The following CNBD1 variants were observed in gnomAD, a reference collection of about 807,000 sequenced individuals.
The protein encoded by CNBD1 is cyclic nucleotide binding domain containing 1, also known as cyclic nucleotide-binding domain-containing protein 1.
In CNBD1, 71 loss-of-function variants were observed where a neutral mutation model predicts 54.4. The observed-to-expected ratio is 1.30, with a 90% CI of 1.08 to 1.59. CNBD1 has a LOEUF of 1.59. Ranked by LOEUF, CNBD1 falls within the 40% of genes most tolerant of loss-of-function variation. The pLI is 0.00. For missense variants in CNBD1, 659 were observed against 518.0 expected, an observed-to-expected ratio of 1.27 and a Z score of -2.64; for synonymous variants, 182 against 170.7, an observed-to-expected ratio of 1.07 and a Z score of -0.51.
At chr8:87,408,201 C>T (rs549651272) in intron 2 of CNBD1, among the ~76,000 whole-genome samples, 13 of 151,910 alleles carry the variant, frequency 8.6e-5, no homozygotes, top group African/African-American at 2.4e-4. Context: ...TGCTTATTAT[C>T]TCCTTTCTTC....
chr8:87,342,403 A>G (rs1050361309), intron 8 of CNBD1, among the ~76,000 whole-genome samples: 1 of 152,180 alleles, frequency 6.6e-6, no homozygotes, highest in African/African-American at 2.4e-5. Flanking sequence ...GTATTCTTTA[A>G]TTAGAGTATA....
chr8:87,005,298 A>G (rs2130551314), intron 4 of CNBD1, among the ~76,000 whole-genome samples: 1 of 152,070 alleles, frequency 6.6e-6, no homozygotes, highest in Non-Finnish European at 1.5e-5. Context: ...TGAACCCAGG[A>G]GGCAGAGCTT....
At chr8:87,256,013 ATAT>A (rs1563526146) in intron 6 of CNBD1, among the ~76,000 whole-genome samples, 4 of 18,172 alleles carry the variant, frequency 2.2e-4, no homozygotes, top group African/African-American at 3.0e-4. Context: ...ATATATATAT[ATAT>A]TTTTTTTTTT....
At chr8:87,230,750 C>T (rs1287186291) in intron 5 of CNBD1, among the ~76,000 whole-genome samples, 2 of 152,028 alleles carry the variant, frequency 1.3e-5, no homozygotes, top group African/African-American at 2.4e-5. Context: ...ATATGAATAA[C>T]AGGAATAGCT....
Position 87,382,743 on chromosome 8 carries a change from A to T in CNBD1, c.*116A>T, listed in dbSNP as rs994119857. On this transcript the variant is annotated 3_prime_UTR_variant, in exon 11 of 11. Coordinates refer to ENST00000518476, the MANE Select transcript of CNBD1 (RefSeq NM_173538.3). ...AATGAATTTGGTCTATTGTGACTACATATCCTGGATTCCCCAGGAAAGTCC... is the reference window on the plus strand; with the variant it reads ...AATGAATTTGGTCTATTGTGACTACTTATCCTGGATTCCCCAGGAAAGTCC... 7.7e-6 allele frequency: 5 copies of T among 651,512 alleles called. No individual in the cohort carries two copies. The highest frequency in any genetic ancestry group is 1.2e-5 in the Non-Finnish European group (5 of 401,516). The allele number at this position is 651,512 out of a possible 1,614,324, so 40.4% of individuals were successfully genotyped here. A position where few individuals can be genotyped will look rare whatever the true frequency, so the allele number is the denominator to read the frequency against.
chr8:87,111,748 A>G (rs193079682), intron 4 of CNBD1, among the ~76,000 whole-genome samples: 1 of 152,226 alleles, frequency 6.6e-6, no homozygotes, highest in Admixed American at 6.5e-5. Context: ...ACCATAGTCT[A>G]TGAGCATTTC....
intron 4 of CNBD1, among the ~76,000 whole-genome samples, chr8:87,001,537 A>G (rs958098265): frequency 3.5e-4 from 53 of 152,114 alleles, no homozygotes; most frequent in African/African-American, 1.2e-3. Flanking sequence ...GCTGTATTTG[A>G]GGCCAGCTGT....
chr8:86,908,200 G>A (rs1006626096), intron 3 of CNBD1, among the ~76,000 whole-genome samples: 1 of 152,332 alleles, frequency 6.6e-6, no homozygotes. Context: ...GAGACGTTGA[G>A]AAACAATTCT....
intron 6 of CNBD1, among the ~76,000 whole-genome samples, chr8:87,262,489 A>G (rs1808162964): frequency 6.6e-6 from 1 of 152,158 alleles, no homozygotes; most frequent in Admixed American, 6.6e-5. Flanking sequence ...ACCTTCACCA[A>G]TGTGGGCAGC....
At chr8:87,330,980 A>G (rs954339214) in intron 8 of CNBD1, among the ~76,000 whole-genome samples, 1 of 152,190 alleles carries the variant, frequency 6.6e-6, no homozygotes, top group Non-Finnish European at 1.5e-5. Context: ...GTGCATTTAT[A>G]TCATTGATAT....
At chr8:86,943,252 G>T (rs1475740556) in intron 4 of CNBD1, among the ~76,000 whole-genome samples, 1 of 150,756 alleles carries the variant, frequency 6.6e-6, no homozygotes, top group Non-Finnish European at 1.5e-5. Flanking sequence ...GTGGTGGCAT[G>T]TGCCTATAGT....
chr8:87,141,378 A>G (rs368182486), intron 4 of CNBD1, among the ~76,000 whole-genome samples: 5 of 152,110 alleles, frequency 3.3e-5, no homozygotes, highest in Non-Finnish European at 7.4e-5. Context: ...GTAAACATAT[A>G]TGTTCTTACA....
chr8:87,266,014 G>C (rs2130853385), intron 6 of CNBD1, among the ~76,000 whole-genome samples: 1 of 152,096 alleles, frequency 6.6e-6, no homozygotes, highest in South Asian at 2.1e-4. Context: ...GAGCACTTAA[G>C]AAAAATATAG....
rs148254113 is a variant in CNBD1 at position 87,234,609 on chromosome 8, G to T, written c.578-2310G>T. On this transcript the variant is annotated intron_variant, in intron 5 of 10. Coordinates refer to ENST00000518476, the MANE Select transcript of CNBD1 (RefSeq NM_173538.3). ...GGGCTTCAAATATTCATTATAGAATGCTATAAAAAGATATGTTGTCATCTA... is the reference window on the plus strand; with the variant it reads ...GGGCTTCAAATATTCATTATAGAATTCTATAAAAAGATATGTTGTCATCTA... Among the ~76,000 whole-genome samples the T allele has an allele frequency of 7.9e-3, 1,203 of 152,248 alleles. 27 individuals are homozygous for T. The highest frequency in any genetic ancestry group is 0.023 in the African/African-American group (940 of 41,546).
At chr8:87,150,051 C>G (rs925966140) in intron 4 of CNBD1, among the ~76,000 whole-genome samples, 2 of 152,002 alleles carry the variant, frequency 1.3e-5, no homozygotes, top group African/African-American at 4.8e-5. Flanking sequence ...GTGGCGGGCA[C>G]CTGTAGTCCC....
intron 5 of CNBD1, among the ~76,000 whole-genome samples, chr8:87,222,167 T>C (rs920737234): frequency 6.6e-6 from 1 of 152,074 alleles, no homozygotes; most frequent in Non-Finnish European, 1.5e-5. Context: ...GAGAAGAAAA[T>C]TGACCATCAT....
chr8:87,311,133 A>C (rs1178060546), intron 8 of CNBD1, among the ~76,000 whole-genome samples: 1 of 152,084 alleles, frequency 6.6e-6, no homozygotes. Flanking sequence ...CTTCTGCACA[A>C]CAAAAGAAAC....
intron 4 of CNBD1, among the ~76,000 whole-genome samples, chr8:86,962,122 G>T (rs1807944512): frequency 6.6e-6 from 1 of 152,096 alleles, no homozygotes. Flanking sequence ...TTTCAAAAAT[G>T]AATCAATGAT....
intron 5 of CNBD1, among the ~76,000 whole-genome samples, chr8:87,213,504 A>G (rs1814145706): frequency 6.6e-6 from 1 of 152,164 alleles, no homozygotes; most frequent in Non-Finnish European, 1.5e-5. Context: ...ATGAGACCCA[A>G]GTGAAAGGAG....
Sources: allele counts gnomAD v4.1 joint callset (sites outside exome capture counted in the v4.1 genomes callset), GRCh38; gene constraint gnomAD v4.1.1; transcripts MANE v1.5; gene names NCBI Gene and HGNC (gene_info 2026-07-23, HGNC 2026-07-21).